DMD: variants seen among roughly 807,000 people sequenced by gnomAD.
DMD encodes the protein mutant dystrophin.
In DMD, 63 loss-of-function variants were observed where a neutral mutation model predicts 330.1. The observed-to-expected ratio is 0.19, with a 90% CI of 0.16 to 0.24. The LOEUF (loss-of-function observed/expected upper bound fraction) is 0.24, where lower values mean the gene tolerates loss of function less well. Among genes scored for constraint, DMD ranks in the 10% least tolerant of loss-of-function variants. The probability of loss-of-function intolerance (pLI) is 1.00; values close to 1 mark genes in which losing one functional copy is unlikely to be tolerated. For synonymous variants in DMD, 1,223 were observed against 959.8 expected (o/e 1.27, Z -5.07); for missense variants, 3,344 against 2,684.1 (o/e 1.25, Z -5.43).
At chrX:31,853,085 T>C (rs926170745) in intron 48 of DMD, among the ~76,000 whole-genome samples, 1 of 112,357 alleles carries the variant, frequency 8.9e-6, no homozygotes, top group Non-Finnish European at 1.9e-5. Flanking sequence ...GGTTTTGCCA[T>C]GTTGGCCAGG....
intron 1 of DMD, among the ~76,000 whole-genome samples, chrX:33,242,816 G>A (rs1318654320): frequency 9.0e-6 from 1 of 111,494 alleles, no homozygotes; most frequent in Non-Finnish European, 1.9e-5. Context: ...GTATCACATC[G>A]TGGTTTTGAT....
chrX:32,664,027 T>C (rs751552907), intron 9 of DMD, among the ~76,000 whole-genome samples: 3 of 110,996 alleles, frequency 2.7e-5, no homozygotes, highest in African/African-American at 6.5e-5. Context: ...ATGGGAAGGT[T>C]TTCAGCAGAA....
At chrX:31,755,143 T>C (rs773768902) in intron 51 of DMD, among the ~76,000 whole-genome samples, 36 of 110,197 alleles carry the variant, frequency 3.3e-4, no homozygotes, top group Admixed American at 1.3e-3. Context: ...AACTATTTTT[T>C]ATCACAGTCA....
intron 63 of DMD, among the ~76,000 whole-genome samples, chrX:31,240,011 G>T (rs1419701342): frequency 7.2e-5 from 8 of 111,557 alleles, no homozygotes; most frequent in African/African-American, 2.6e-4. Flanking sequence ...TTTTTTGTTT[G>T]CTTCTGAAGT....
intron 9 of DMD, among the ~76,000 whole-genome samples, chrX:32,680,763 C>A (rs2062352553): frequency 9.1e-6 from 1 of 110,280 alleles, no homozygotes; most frequent in Non-Finnish European, 1.9e-5. Flanking sequence ...CATCAACTCT[C>A]CTTCCACCCA....
rs140961627 is a variant in DMD, at chrX:33,195,639, C to G, written c.31+15643G>C. Among the ~76,000 whole-genome samples, 816 of 110,623 alleles carry G rather than the reference C, an allele frequency of 7.4e-3. 14 individuals are homozygous for G. The highest frequency in any genetic ancestry group is 0.024 in the African/African-American group (737 of 30,491). On this transcript the variant is annotated intron_variant, in intron 1 of 78. Coordinates refer to ENST00000357033, the MANE Select transcript of DMD (RefSeq NM_004006.3). ...ATATGAATCATCCAAATTAAGCAAC[C>G]AACATTTTAGTCTAAGATTTATAAT...
rs1557124218 is a variant in DMD, at chrX:32,897,095, G to GC, written c.94-47276_94-47275insG. ...TCATCAACGACTGGGCATTTTATGCGTTTTTTTTATTTTGCCTATTAAATA... is the reference window on the plus strand; with the variant it reads ...TCATCAACGACTGGGCATTTTATGCGCTTTTTTTTATTTTGCCTATTAAATA... On this transcript the variant is annotated intron_variant, in intron 2 of 78. Coordinates refer to ENST00000357033, the MANE Select transcript of DMD (RefSeq NM_004006.3). Among the ~76,000 whole-genome samples, 60 of 109,378 alleles carry GC rather than the reference G, an allele frequency of 5.5e-4. 1 individual carries two copies. The East Asian group carries it at 0.018, about 32-fold the overall frequency. The allele number at this position is 109,378 out of a possible 115,157, so 95.0% of individuals were successfully genotyped here. A position where few individuals can be genotyped will look rare whatever the true frequency, so the allele number is the denominator to read the frequency against.
At chrX:32,099,054 T>C (rs1266849946) in intron 44 of DMD, among the ~76,000 whole-genome samples, 1 of 111,985 alleles carries the variant, frequency 8.9e-6, no homozygotes, top group Non-Finnish European at 1.9e-5. Context: ...GTGTGCCCTA[T>C]GAACATTGCT....
chrX:31,919,461 G>T (rs910187822), intron 47 of DMD, among the ~76,000 whole-genome samples: 2 of 112,121 alleles, frequency 1.8e-5, no homozygotes, highest in Admixed American at 9.5e-5. Context: ...CCTGCAGAAT[G>T]TAACCATCAG....
intron 41 of DMD, among the ~76,000 whole-genome samples, chrX:32,336,241 C>T (rs753714343): frequency 1.8e-5 from 2 of 110,404 alleles, no homozygotes; most frequent in South Asian, 7.7e-4. Context: ...TGATCTGGAA[C>T]TCCTCCTCAA....
chrX:32,476,913 T>C (rs1051431215), intron 21 of DMD, among the ~76,000 whole-genome samples: 1 of 111,177 alleles, frequency 9.0e-6, no homozygotes, highest in Non-Finnish European at 1.9e-5. Flanking sequence ...AACAGATAAG[T>C]TTATCTTTAC....
chrX:31,591,365 G>T lies in DMD; in HGVS notation c.8217+36308C>A, dbSNP rs772204092. 2.7e-5 allele frequency among the ~76,000 whole-genome samples: 3 copies of T among 111,327 alleles called. No individual in the cohort carries two copies. The South Asian group carries it at 1.1e-3, about 42-fold the overall frequency. On this transcript the variant is annotated intron_variant, in intron 55 of 78. Coordinates refer to ENST00000357033, the MANE Select transcript of DMD (RefSeq NM_004006.3). ...AACAATTTATTAGACAATTTTCTCT[G>T]ACTTGAAATGACACAAAAATCTCAG... is the stretch of plus-strand genomic sequence containing the variant.
At chrX:32,617,218 A>AT (rs998346991) in intron 11 of DMD, among the ~76,000 whole-genome samples, 3 of 111,050 alleles carry the variant, frequency 2.7e-5, no homozygotes, top group African/African-American at 9.8e-5. Context: ...GTGTTAACCA[A>AT]TAAAAAAAAC....
chrX:31,506,024 T>G (rs952009412), intron 56 of DMD, among the ~76,000 whole-genome samples: 1 of 111,674 alleles, frequency 9.0e-6, no homozygotes, highest in Admixed American at 9.5e-5. Context: ...TTTCTTCAAA[T>G]GTAAAAAGAA....
At chrX:32,565,665 T>C (rs755968199) in intron 16 of DMD, 37 bp downstream of exon 16, 1 of 1,175,004 alleles carries the variant, frequency 8.5e-7, no homozygotes, top group East Asian at 3.0e-5. Context: ...AAAAAATCTC[T>C]GAGATAGTCT....
At chrX:32,816,022 C>T (rs779827002) in intron 6 of DMD, among the ~76,000 whole-genome samples, 3 of 111,231 alleles carry the variant, frequency 2.7e-5, no homozygotes, top group Non-Finnish European at 3.8e-5. Context: ...ATGTTTCTTT[C>T]TCCACACTAC....
chrX:31,668,167 T>C, intron 53 of DMD, among the ~76,000 whole-genome samples: 1 of 112,098 alleles, frequency 8.9e-6, no homozygotes, highest in Non-Finnish European at 1.9e-5. Flanking sequence ...TTGATACAAG[T>C]ATCTTATCAA....
intron 44 of DMD, among the ~76,000 whole-genome samples, chrX:32,168,329 C>A (rs991491862): frequency 9.0e-6 from 1 of 111,006 alleles, no homozygotes; most frequent in Admixed American, 9.6e-5. Flanking sequence ...GAATTCTAGT[C>A]AATGATCCTA....
intron 57 of DMD, among the ~76,000 whole-genome samples, chrX:31,488,624 TTCTA>T (rs1315636187): frequency 8.9e-6 from 1 of 111,855 alleles, no homozygotes; most frequent in African/African-American, 3.3e-5. Context: ...AAACTCCACA[TTCTA>T]TCTATCTTAA....
Sources: allele counts gnomAD v4.1 joint callset (sites outside exome capture counted in the v4.1 genomes callset), GRCh38; gene constraint gnomAD v4.1.1; transcripts MANE v1.5; gene names NCBI Gene and HGNC (gene_info 2026-07-23, HGNC 2026-07-21).